Variants in ANKRD30A observed in about 807,000 individuals in gnomAD.
The protein encoded by ANKRD30A is ankyrin repeat domain 30A.
Under a neutral mutation model 166.3 loss-of-function variants are expected in ANKRD30A, and 170 were observed. The ratio of observed to expected loss-of-function variants is 1.02; its 90% CI spans 0.90 to 1.16. The LOEUF is 1.16. Ranked by LOEUF, ANKRD30A falls within the 50% of genes most tolerant of loss-of-function variation. ANKRD30A has a pLI of 0.00. For synonymous variants in ANKRD30A, 564 were observed against 508.9 expected (o/e 1.11, Z -1.46); for missense variants, 1,630 against 1,518.0 (o/e 1.07, Z -1.23).
downstream of ANKRD30A, among the ~76,000 whole-genome samples, chr10:37,234,979 A>G (rs535896970): frequency 1.3e-5 from 2 of 152,252 alleles, no homozygotes; most frequent in East Asian, 1.9e-4. Flanking sequence ...AGTTTTTCCC[A>G]AACAAAATAG....
intron 29 of ANKRD30A, among the ~76,000 whole-genome samples, chr10:37,198,840 T>G (rs959021576): frequency 7.2e-5 from 11 of 152,128 alleles, no homozygotes; most frequent in Admixed American, 2.0e-4. Flanking sequence ...GTTGTGCATG[T>G]TTGCTTTTTT....
intron 5 of ANKRD30A, chr10:37,135,381 A>G (rs78125636): frequency 6.6e-6 from 1 of 152,236 alleles, no homozygotes; most frequent in East Asian, 1.9e-4. Context: ...CTTTCTAACT[A>G]GCTCCAAGGA....
Position 37,144,987 on chromosome 10 carries a change from T to G in ANKRD30A, c.1394-8T>G. 6.3e-7 allele frequency: 1 copy of G among 1,579,616 alleles called. No homozygotes were observed. The highest frequency in any genetic ancestry group is 1.2e-5 in the South Asian group (1 of 85,582). On this transcript the variant is annotated splice_polypyrimidine_tract_variant and splice_region_variant and intron_variant, in intron 7 of 35. Transcript: ENST00000361713. ...ATCATGAATATATCTGTGATTAACTTTTTATAGATCAGAGGTTCCCATCAG... is the reference window on the plus strand; with the variant it reads ...ATCATGAATATATCTGTGATTAACTGTTTATAGATCAGAGGTTCCCATCAG...
the ANKRD30A span, among the ~76,000 whole-genome samples, chr10:37,249,132 G>T: frequency 6.6e-6 from 1 of 152,156 alleles, no homozygotes; most frequent in African/African-American, 2.4e-5. Context: ...AGTCTCTGAG[G>T]CCCTGGCTTC....
At chr10:37,209,383 G>A (rs965052308) in intron 31 of ANKRD30A, among the ~76,000 whole-genome samples, 7 of 152,108 alleles carry the variant, frequency 4.6e-5, no homozygotes, top group East Asian at 1.9e-4. Flanking sequence ...ATGGTGGAAC[G>A]TGAGGAAGAA....
At position 37,142,875 on chromosome 10, in the gene ANKRD30A, G is replaced by T. The variant is rs879919950; in HGVS notation, c.1393+585G>T. Among the ~76,000 whole-genome samples, 24 of 152,046 alleles carry T rather than the reference G, an allele frequency of 1.6e-4. 1 individual carries two copies. Among genetic ancestry groups the T allele is most frequent in the Non-Finnish European group, 2.2e-4 (15 of 68,018 alleles). On this transcript the variant is annotated intron_variant, in intron 7 of 35. Transcript: ENST00000361713. ...TGGGAATTCAGGTGTGAACCACTGT[G>T]CCCAGCCAGGATCCCACTTATGGTT...
Position 37,153,562 on chromosome 10 carries a change from C to G in ANKRD30A, c.1708-10C>G, listed in dbSNP as rs1344923029. 2.5e-6 allele frequency: 4 copies of G among 1,610,776 alleles called. No individual in the cohort carries two copies. The highest frequency in any genetic ancestry group is 3.4e-6 in the Non-Finnish European group (4 of 1,178,992). On this transcript the variant is annotated splice_polypyrimidine_tract_variant and intron_variant, in intron 12 of 35. Transcript: ENST00000361713. ...CCATTGAAATTATTTATTGCTATTA[C>G]TTTTAACAGAGTCTCTGTGAGACTG... is the stretch of plus-strand genomic sequence containing the variant.
chr10:37,194,382 A>C (rs1158045451), intron 27 of ANKRD30A, among the ~76,000 whole-genome samples: 4 of 150,596 alleles, frequency 2.7e-5, no homozygotes, highest in Middle Eastern at 3.5e-3. Flanking sequence ...TTTGAGCTCG[A>C]CCAGGCTGGA....
rs1212895779 is a variant in ANKRD30A, at chr10:37,219,236, A to C, written c.3524A>C (p.Asn1175Thr). Reference sequence around the variant, plus strand: ...CAGCTTAAAGTTCTGATAGCTGAGAACACAATGCTCACTTCTAAATTGAAG... The same window carrying C: ...CAGCTTAAAGTTCTGATAGCTGAGACCACAATGCTCACTTCTAAATTGAAG... ...SGQLKVLIAE[N>T]TMLTSKLKEK... Residue 1175 changes from asparagine (N) to threonine (T), a missense_variant, in exon 34 of 36, where the codon AAC (asparagine) becomes ACC (threonine). Physicochemically the swap from Asn to Thr is moderately conservative, Grantham distance 65. Transcript: ENST00000361713. The C allele has an allele frequency of 1.2e-6, 2 of 1,610,630 alleles. No homozygotes were observed. The highest frequency in any genetic ancestry group is 3.4e-5 in the Admixed American group (2 of 59,690).
At chr10:37,155,255 A>T (rs1838277003) in intron 13 of ANKRD30A, among the ~76,000 whole-genome samples, 1 of 152,218 alleles carries the variant, frequency 6.6e-6, no homozygotes, top group African/African-American at 2.4e-5. Context: ...GCTATTCCTG[A>T]TGAAGTTTGT....
At chr10:37,216,640 ATTAC>A (rs909470013) in intron 32 of ANKRD30A, among the ~76,000 whole-genome samples, 14 of 151,336 alleles carry the variant, frequency 9.3e-5, no homozygotes, top group African/African-American at 3.1e-4. Flanking sequence ...TGGAAATCCC[ATTAC>A]TTACTTAACA....
At chr10:37,147,247 G>A (rs1244613478) in intron 8 of ANKRD30A, 123 bp from the exon 9 acceptor site, 1 of 699,946 alleles carries the variant, frequency 1.4e-6, no homozygotes, top group Non-Finnish European at 2.4e-6. Flanking sequence ...TTTTCAATAT[G>A]TGCCTATCCT....
the ANKRD30A span, among the ~76,000 whole-genome samples, chr10:37,243,214 A>G: frequency 1.3e-4 from 19 of 149,280 alleles, no homozygotes; most frequent in Admixed American, 4.0e-4. Flanking sequence ...GGCTCACTGC[A>G]AGCTCCGCCT....
chr10:37,172,531 T>C (rs1354105523), intron 21 of ANKRD30A, among the ~76,000 whole-genome samples: 1 of 145,760 alleles, frequency 6.9e-6, no homozygotes, highest in Non-Finnish European at 1.5e-5. Flanking sequence ...GTTAGAGGTT[T>C]TTTTTTAATT....
At chr10:37,213,546 T>C (rs528136357) in intron 31 of ANKRD30A, among the ~76,000 whole-genome samples, 2 of 127,098 alleles carry the variant, frequency 1.6e-5, no homozygotes, top group South Asian at 2.2e-4. Flanking sequence ...TTTACTTTTT[T>C]CTTCTTCTTC....
At chr10:37,212,711 G>A (rs1284357752) in intron 31 of ANKRD30A, among the ~76,000 whole-genome samples, 2 of 151,736 alleles carry the variant, frequency 1.3e-5, no homozygotes, top group Admixed American at 6.6e-5. Flanking sequence ...CAGAAATAAC[G>A]TCTTTAATCC....
At chr10:37,178,085 A>G (rs2801985) in intron 24 of ANKRD30A, among the ~76,000 whole-genome samples, 12 of 151,264 alleles carry the variant, frequency 7.9e-5, no homozygotes, top group South Asian at 4.2e-4. Flanking sequence ...GGAACAAGAA[A>G]CAGGTTTATG....
At chr10:37,164,256 G>A (rs1839128797) in intron 17 of ANKRD30A, among the ~76,000 whole-genome samples, 1 of 145,378 alleles carries the variant, frequency 6.9e-6, no homozygotes, top group Admixed American at 7.1e-5. Context: ...TTTGTACTTT[G>A]TGCTGATAAA....
chr10:37,141,181 T>C (rs1378529961), intron 6 of ANKRD30A, among the ~76,000 whole-genome samples: 1 of 152,168 alleles, frequency 6.6e-6, no homozygotes, highest in Non-Finnish European at 1.5e-5. Flanking sequence ...CAGAACCCCT[T>C]TGGAAGCTTA....
Sources: gnomAD v4.1 joint callset for allele counts (sites outside exome capture counted in the v4.1 genomes callset) on GRCh38, gnomAD v4.1.1 for gene constraint, MANE v1.5 for transcripts, NCBI Gene and HGNC (gene_info 2026-07-23, HGNC 2026-07-21) for gene names.